Variants in DCAF6 observed in about 807,000 individuals in gnomAD.
DCAF6 encodes DDB1 and CUL4 associated factor 6.
In DCAF6, 54 loss-of-function variants were observed where a neutral mutation model predicts 125.1. The observed-to-expected ratio is 0.43, with a 90% CI of 0.35 to 0.54. The LOEUF is 0.54. DCAF6 is among the 20% of genes least tolerant of loss of function. The pLI is 0.01. For missense variants in DCAF6, 934 were observed against 1,161.7 expected (o/e 0.80, Z 2.85); for synonymous variants, 371 against 390.4 (o/e 0.95, Z 0.58).
the DCAF6 span, among the ~76,000 whole-genome samples, chr1:167,909,836 A>G: frequency 6.6e-6 from 1 of 152,194 alleles, no homozygotes; most frequent in Non-Finnish European, 1.5e-5. Flanking sequence ...GTGAGGAGAC[A>G]GGCCATTTCT....
intron 12 of DCAF6, among the ~76,000 whole-genome samples, chr1:168,029,243 T>G (rs1254212554): frequency 1.3e-5 from 2 of 152,240 alleles, no homozygotes; most frequent in Admixed American, 6.5e-5. Context: ...TGACTAGCAC[T>G]GTGTTAAGAA....
the DCAF6 span, among the ~76,000 whole-genome samples, chr1:167,876,393 G>T: frequency 1.3e-5 from 2 of 152,022 alleles, no homozygotes; most frequent in Admixed American, 1.3e-4. Flanking sequence ...CATAGGCCAG[G>T]GTGCATATGT....
chr1:167,897,433 G>T, the DCAF6 span, among the ~76,000 whole-genome samples: 4 of 150,528 alleles, frequency 2.7e-5, no homozygotes, highest in African/African-American at 9.8e-5. Flanking sequence ...GGAGTTAGAG[G>T]TTGAAGTGAG....
At chr1:167,943,489 A>T (rs1438660175) in intron 1 of DCAF6, among the ~76,000 whole-genome samples, 1 of 152,068 alleles carries the variant, frequency 6.6e-6, no homozygotes, top group African/African-American at 2.4e-5. Context: ...TCATATTTGT[A>T]ATGCTATTTT....
intron 10 of DCAF6, among the ~76,000 whole-genome samples, chr1:168,008,691 A>T (rs775854115): frequency 6.6e-6 from 1 of 152,152 alleles, no homozygotes; most frequent in African/African-American, 2.4e-5. Context: ...CTGTGGACGT[A>T]TAAGAATTTA....
intron 2 of DCAF6, among the ~76,000 whole-genome samples, chr1:167,954,406 T>C (rs1438366465): frequency 6.6e-6 from 1 of 152,192 alleles, no homozygotes; most frequent in Non-Finnish European, 1.5e-5. Context: ...TAATTACTTT[T>C]GTGAATTACC....
chr1:167,889,353 TC>T, the DCAF6 span, among the ~76,000 whole-genome samples: 2 of 152,216 alleles, frequency 1.3e-5, no homozygotes, highest in Non-Finnish European at 2.9e-5. Flanking sequence ...TGTCCTTCAT[TC>T]TGTAGATAAG....
chr1:167,922,560 TA>T, the DCAF6 span, among the ~76,000 whole-genome samples: 1 of 152,132 alleles, frequency 6.6e-6, no homozygotes, highest in African/African-American at 2.4e-5. Flanking sequence ...TCCATTAGTA[TA>T]GGGGGTTTTA....
intron 10 of DCAF6, among the ~76,000 whole-genome samples, chr1:168,011,675 T>C (rs1277625957): frequency 6.6e-6 from 1 of 152,150 alleles, no homozygotes; most frequent in African/African-American, 2.4e-5. Context: ...AGGCCATTTA[T>C]AGGTTAGAAA....
chr1:167,946,583 A>T (rs948237313), intron 1 of DCAF6, among the ~76,000 whole-genome samples: 5 of 152,000 alleles, frequency 3.3e-5, no homozygotes, highest in Non-Finnish European at 5.9e-5. Flanking sequence ...TTATGAAGGG[A>T]TGTTGAATTT....
chr1:167,883,133 G>A, the DCAF6 span, among the ~76,000 whole-genome samples: 2 of 152,240 alleles, frequency 1.3e-5, no homozygotes, highest in Non-Finnish European at 2.9e-5. Context: ...CGCCTCTCAG[G>A]TTCAAGCCAT....
At chr1:168,038,674 ATTAGGT>A (rs1452324150) in intron 13 of DCAF6, among the ~76,000 whole-genome samples, 186 bp downstream of exon 13, 1 of 151,834 alleles carries the variant, frequency 6.6e-6, no homozygotes, top group Non-Finnish European at 1.5e-5. Flanking sequence ...CACTCTCAGA[ATTAGGT>A]TTGGAGTGGG....
At chr1:167,987,307 ATTAC>A (rs1557935065) in intron 4 of DCAF6, among the ~76,000 whole-genome samples, 184 bp from the exon 5 acceptor site, 1 of 152,192 alleles carries the variant, frequency 6.6e-6, no homozygotes, top group Non-Finnish European at 1.5e-5. Context: ...TAATTCAACA[ATTAC>A]TTCTTATCTA....
intron 17 of DCAF6, among the ~76,000 whole-genome samples, chr1:168,057,599 T>C (rs1691043063): frequency 6.6e-6 from 1 of 152,158 alleles, no homozygotes. Flanking sequence ...AATAAACCTG[T>C]TATGTGCTAG....
intron 2 of DCAF6, among the ~76,000 whole-genome samples, 163 bp from the exon 3 acceptor site, chr1:167,966,466 A>G (rs578227859): frequency 5.3e-5 from 8 of 152,268 alleles, no homozygotes; most frequent in Admixed American, 2.6e-4. Context: ...TTCTTCTTCT[A>G]CTGTGGCCAA....
the DCAF6 span, among the ~76,000 whole-genome samples, chr1:167,905,614 T>G: frequency 6.8e-6 from 1 of 147,496 alleles, no homozygotes; most frequent in African/African-American, 2.6e-5. Flanking sequence ...AAAAAAAAAG[T>G]GTAGATGTGA....
At chr1:167,958,420 T>G (rs1365127789) in intron 2 of DCAF6, among the ~76,000 whole-genome samples, 1 of 152,022 alleles carries the variant, frequency 6.6e-6, no homozygotes, top group Non-Finnish European at 1.5e-5. Flanking sequence ...TTGAATGGTC[T>G]TGGATCTCTT....
chr1:167,927,449 G>A, the DCAF6 span, among the ~76,000 whole-genome samples: 8 of 152,192 alleles, frequency 5.3e-5, no homozygotes, highest in Non-Finnish European at 5.9e-5. Context: ...ACTAAGTTTA[G>A]TTTTTATCCT....
chr1:167,901,547 G>T, the DCAF6 span: 2 of 1,061,380 alleles, frequency 1.9e-6, no homozygotes, highest in Non-Finnish European at 2.9e-6. Context: ...AAAGTTCAGG[G>T]CATCATGGGG....
Sources: gnomAD v4.1 joint callset for allele counts (sites outside exome capture counted in the v4.1 genomes callset) on GRCh38, gnomAD v4.1.1 for gene constraint, MANE v1.5 for transcripts, NCBI Gene and HGNC (gene_info 2026-07-23, HGNC 2026-07-21) for gene names.